Variants in TNRC18 observed in about 807,000 individuals in gnomAD.
TNRC18 encodes trinucleotide repeat containing 18, also known as trinucleotide repeat-containing gene 18 protein.
TNRC18 carries 69 observed loss-of-function variants against 226.7 expected under a neutral mutation model. The observed-to-expected ratio is 0.30, with a 90% CI of 0.25 to 0.37. The LOEUF is 0.37. Among genes scored for constraint, TNRC18 ranks in the 10% least tolerant of loss-of-function variants. The pLI is 1.00. For missense variants in TNRC18, 4,754 were observed against 4,256.6 expected (o/e 1.12, Z -3.25); for synonymous variants, 2,449 against 1,927.6 (o/e 1.27, Z -7.09).
chr7:5,352,803 G>A lies in TNRC18; in HGVS notation c.5195-709C>T, dbSNP rs145242553. Among the ~76,000 whole-genome samples, 499 of 152,370 alleles carry A rather than the reference G, an allele frequency of 3.3e-3. 6 individuals carry two copies. The highest frequency in any genetic ancestry group is 0.01 in the African/African-American group (431 of 41,590). ...GAGCCTGCCAGGCAGGCAACGCTCC[G>A]GCCCCCGCCATGCTCACGCCATTTT... On this transcript the variant is annotated intron_variant, in intron 16 of 29. Transcript: ENST00000430969.
intron 5 of TNRC18, among the ~76,000 whole-genome samples, chr7:5,380,032 T>C (rs915042728): frequency 3.3e-5 from 5 of 152,144 alleles, no homozygotes; most frequent in African/African-American, 9.7e-5. Flanking sequence ...CACCCAGCTG[T>C]CCTAACTGGG....
Position 5,370,517 on chromosome 7 carries a change from G to T in TNRC18, c.4077C>A (p.Ser1359=), listed in dbSNP as rs1165484649. Residue 1359 remains serine, a synonymous_variant, in exon 11 of 30, where the codon TCC becomes TCA. Transcript: ENST00000430969. The part of the protein sequence containing the change: ...AELPQARPLP[S]PGAAGAQALE... Reference sequence around the variant, plus strand: ...AGGCCTGGGCTCCAGCAGCACCCGGGGAGGGCAGAGGCCTGGCCTGGGGCA... The same window carrying T: ...AGGCCTGGGCTCCAGCAGCACCCGGTGAGGGCAGAGGCCTGGCCTGGGGCA... 2 of 1,600,008 alleles carry T rather than the reference G, an allele frequency of 1.2e-6. No individual in the cohort carries two copies. Among genetic ancestry groups the T allele is most frequent in the Non-Finnish European group, 1.7e-6 (2 of 1,173,614 alleles).
rs763896992 is a variant in TNRC18, at chr7:5,419,836, AAG to A, written c.187+1222_187+1223del. The A allele has an allele frequency of 3.3e-5, 5 of 152,190 alleles. No homozygotes were observed. In the East Asian group the frequency reaches 5.8e-4, roughly 18 times the overall value. The allele number at this position is 152,190 out of a possible 1,614,324, so 9.4% of individuals were successfully genotyped here. On this transcript the variant is annotated intron_variant, in intron 2 of 29. Coordinates refer to ENST00000430969, the MANE Select transcript of TNRC18 (RefSeq NM_001080495.3). Reference sequence around the variant, plus strand: ...CTGAAAAGTTCCAGGAGAAAAATCAAAGAGAGAGCAAAATCGGCGAGCTCCGC... The same window carrying A: ...CTGAAAAGTTCCAGGAGAAAAATCAAAGAGAGCAAAATCGGCGAGCTCCGC...
At position 5,361,648 on chromosome 7, in the gene TNRC18, G is replaced by A. The variant is rs370514054; in HGVS notation, c.4607C>T (p.Pro1536Leu). ...CTTGCGGGGGGGCGACAGGGCGCTC[G>A]GGGCGTGGGTCCGTTTCCGCGGCCT... Reference protein sequence around the residue: ...PGRPRKRTHAPSALSPPRKRG... With the variant: ...PGRPRKRTHALSALSPPRKRG... The change falls in exon 14 of 30, where the codon CCG becomes CTG. Residue 1536 changes from proline (P) to leucine (L), a missense_variant. Transcript: ENST00000430969. The A allele has an allele frequency of 3.8e-5, 59 of 1,556,546 alleles. No homozygotes were observed. The highest frequency in any genetic ancestry group is 4.9e-5 in the Non-Finnish European group (57 of 1,152,102).
rs1780016253 is a variant in TNRC18, at chr7:5,388,671, G to A, written c.1153C>T (p.Pro385Ser). The A allele has an allele frequency of 7.9e-7, 1 of 1,268,968 alleles. No individual in the cohort carries two copies. Among genetic ancestry groups the A allele is most frequent in the Non-Finnish European group, 1.0e-6 (1 of 1,004,926 alleles). The allele number at this position is 1,268,968 out of a possible 1,614,324, so 78.6% of individuals were successfully genotyped here. The change falls in exon 5 of 30, where the codon CCG becomes TCG. Residue 385 changes from proline (P) to serine (S), a missense_variant. Pro to Ser is a moderately conservative substitution (Grantham distance 74). Coordinates refer to ENST00000430969, the MANE Select transcript of TNRC18 (RefSeq NM_001080495.3). ...TGGGATGCGATCTGGATGGGCCCCG[G>A]GCGCTCGTCGAAGGCCTCCACGGAA... ...VPSVEAFDERPGPIQIASQAR... is the reference protein window; with the variant it reads ...VPSVEAFDERSGPIQIASQAR...
At chr7:5,404,551 G>A (rs755906307) in intron 2 of TNRC18, among the ~76,000 whole-genome samples, 17 of 152,018 alleles carry the variant, frequency 1.1e-4, no homozygotes, top group African/African-American at 3.4e-4. Flanking sequence ...TTAGCTGCCC[G>A]GGAAGGATGA....
In TNRC18 at chr7:5,313,223, C is replaced by G; in HGVS notation, c.7668G>C (p.Glu2556Asp). The G allele has an allele frequency of 6.5e-7, 1 of 1,549,024 alleles. No homozygotes were observed. Among genetic ancestry groups the G allele is most frequent in the Non-Finnish European group, 8.7e-7 (1 of 1,146,854 alleles). The stretch of plus-strand genomic sequence containing the variant: ...TACTGCTGCTGCTGCTGCTCTCGGA[C>G]TCTTCGGCCCCGTCCTGCTCAGCCT... ...KAQAEQDGAEESESSSSSSSG... is the reference protein window; with the variant it reads ...KAQAEQDGAEDSESSSSSSSG... Residue 2556 changes from glutamate (E) to aspartate (D), a missense_variant, in exon 27 of 30, where the codon GAG becomes GAC. Glu to Asp is a conservative substitution (Grantham distance 45). Transcript: ENST00000430969.
intron 16 of TNRC18, among the ~76,000 whole-genome samples, chr7:5,353,759 G>A (rs1430421410): frequency 6.6e-6 from 1 of 152,132 alleles, no homozygotes; most frequent in Admixed American, 6.5e-5. Context: ...AAAATAAACA[G>A]AGGAGCGCTC....
intron 29 of TNRC18, among the ~76,000 whole-genome samples, chr7:5,308,668 G>C (rs372132542): frequency 1.3e-5 from 2 of 152,320 alleles, no homozygotes; most frequent in African/African-American, 4.8e-5. Context: ...CAGACACTGG[G>C]AGAGCAGAGA....
At position 5,374,361 on chromosome 7, in the gene TNRC18, G is replaced by T; in HGVS notation, c.2923C>A (p.Pro975Thr). Residue 975 changes from proline (P) to threonine (T), a missense_variant, in exon 10 of 30, where the codon CCC becomes ACC. Pro to Thr is a conservative substitution (Grantham distance 38). Coordinates refer to ENST00000430969, the MANE Select transcript of TNRC18 (RefSeq NM_001080495.3). Reference sequence around the variant, plus strand: ...GCGGGGCCGGCGGCCAGGCCAGGGGGCTTCCGCGGCAGCAGCCCGGGGCCG... The same window carrying T: ...GCGGGGCCGGCGGCCAGGCCAGGGGTCTTCCGCGGCAGCAGCCCGGGGCCG... ...TAGPGLLPRK[P>T]PGLAAGPAGT... The T allele has an allele frequency of 6.8e-7, 1 of 1,464,592 alleles. No individual in the cohort carries two copies. Among genetic ancestry groups the T allele is most frequent in the Non-Finnish European group, 9.0e-7 (1 of 1,113,856 alleles). The allele number at this position is 1,464,592 out of a possible 1,614,324, so 90.7% of individuals were successfully genotyped here. A position where few individuals can be genotyped will look rare whatever the true frequency, so the allele number is the denominator to read the frequency against.
intron 18 of TNRC18, among the ~76,000 whole-genome samples, chr7:5,337,223 C>G (rs1284577107): frequency 2.0e-5 from 3 of 151,422 alleles, no homozygotes; most frequent in African/African-American, 7.3e-5. Flanking sequence ...AGGATATCTT[C>G]TAAGGACTCA....
chr7:5,374,931 A>G (rs1487840832), intron 9 of TNRC18, among the ~76,000 whole-genome samples: 1 of 152,214 alleles, frequency 6.6e-6, no homozygotes, highest in East Asian at 1.9e-4. Flanking sequence ...GGGCAGGAGG[A>G]AGCCAGGCAT....
chr7:5,392,151 T>C (rs931501987), intron 3 of TNRC18, among the ~76,000 whole-genome samples: 3 of 152,246 alleles, frequency 2.0e-5, no homozygotes, highest in East Asian at 3.9e-4. Flanking sequence ...CCGATACCTG[T>C]TCTCTCATCC....
chr7:5,417,780 C>A (rs149646509), intron 2 of TNRC18, among the ~76,000 whole-genome samples: 19 of 152,322 alleles, frequency 1.2e-4, no homozygotes, highest in African/African-American at 4.6e-4. Flanking sequence ...CTTGTCGCCT[C>A]TAACCAGAGA....
At position 5,388,507 on chromosome 7, in the gene TNRC18, C is replaced by A. The variant is rs781353301; in HGVS notation, c.1317G>T (p.Pro439=). The stretch of plus-strand genomic sequence containing the variant: ...GCACCGTGGGGGCATCCGCGGGGGG[C>A]GGCCGCTTGAGCGAGCGGATGACCG... ...KNSVIRSLKR[P]PPADAPTVRA... Residue 439 remains proline, a synonymous_variant, in exon 5 of 30, where the codon CCG becomes CCT. Transcript: ENST00000430969. 7.1e-5 allele frequency: 94 copies of A among 1,330,120 alleles called. 2 individuals carry two copies. The highest frequency in any genetic ancestry group is 4.6e-4 in the Admixed American group (11 of 23,830). 82.4% of individuals were successfully genotyped at this position (1,330,120 alleles called of 1,614,324 possible). A position where few individuals can be genotyped will look rare whatever the true frequency, so the allele number is the denominator to read the frequency against.
At chr7:5,310,869 T>G (rs892303275) in intron 27 of TNRC18, among the ~76,000 whole-genome samples, 4 of 152,274 alleles carry the variant, frequency 2.6e-5, no homozygotes, top group Non-Finnish European at 1.5e-5. Flanking sequence ...GCCATGTATA[T>G]GTGCCTGTGT....
intron 2 of TNRC18, among the ~76,000 whole-genome samples, chr7:5,406,406 G>A (rs544738544): frequency 1.5e-3 from 224 of 152,236 alleles, no homozygotes; most frequent in African/African-American, 5.0e-3. Context: ...AGGTTGCAGT[G>A]AGCCGAGATT....
rs1307878990 is a variant in TNRC18, at chr7:5,357,211, G to A, written c.4899C>T (p.Ala1633=). ...QEQLASKLDK[A]LSLTKQDKLK... Reference sequence around the variant, plus strand: ...ACTTGTCCTGCTTGGTGAGGGAGAGGGCCTTGTCGAGCTTGCTTGCCAACT... The same window carrying A: ...ACTTGTCCTGCTTGGTGAGGGAGAGAGCCTTGTCGAGCTTGCTTGCCAACT... Residue 1633 remains alanine, a synonymous_variant, in exon 16 of 30, where the codon GCC becomes GCT. Coordinates refer to ENST00000430969, the MANE Select transcript of TNRC18 (RefSeq NM_001080495.3). 8 of 1,612,062 alleles carry A rather than the reference G, an allele frequency of 5.0e-6. No homozygotes were observed. The highest frequency in any genetic ancestry group is 1.1e-5 in the South Asian group (1 of 90,428).
At chr7:5,367,236 G>A (rs1353605934) in intron 11 of TNRC18, among the ~76,000 whole-genome samples, 1 of 151,924 alleles carries the variant, frequency 6.6e-6, no homozygotes, top group Non-Finnish European at 1.5e-5. Context: ...GTGGTAGCAT[G>A]TGCCTGTAAT....
Sources: gnomAD v4.1 joint callset for allele counts (sites outside exome capture counted in the v4.1 genomes callset) on GRCh38, gnomAD v4.1.1 for gene constraint, MANE v1.5 for transcripts, NCBI Gene and HGNC (gene_info 2026-07-23, HGNC 2026-07-21) for gene names.